The following RC3H1 variants were observed in gnomAD, a reference collection of about 807,000 sequenced individuals.
The protein encoded by RC3H1 is ring finger and CCCH-type domains 1, also known as roquin-1.
RC3H1 carries 50 observed loss-of-function variants against 138.2 expected under a neutral mutation model. That is an observed-to-expected ratio of 0.36 (90% CI 0.29 to 0.46). RC3H1 has a LOEUF of 0.46. Ranked by LOEUF, RC3H1 falls within the 20% of genes least tolerant of loss-of-function variation. The pLI is 1.00. For missense variants in RC3H1, 1,031 were observed against 1,388.1 expected (o/e 0.74, Z 4.09); for synonymous variants, 462 against 489.1 (o/e 0.94, Z 0.73).
At chr1:173,980,029 C>T (rs1660743292) in intron 6 of RC3H1, among the ~76,000 whole-genome samples, 5 of 151,620 alleles carry the variant, frequency 3.3e-5, no homozygotes, top group Non-Finnish European at 7.4e-5. Context: ...AGGCGCCTAC[C>T]ACCACACCTG....
In RC3H1 at chr1:173,936,747, ATATATATATATATATTTTT is replaced by A. The variant is rs1333459169; in HGVS notation, c.*1955_*1973del. 436 of 57,816 alleles carry A rather than the reference ATATATATATATATATTTTT, an allele frequency of 7.5e-3. 4 individuals carry two copies. The highest frequency in any genetic ancestry group is 0.03 in the African/African-American group (415 of 13,742). The allele number at this position is 57,816 out of a possible 1,614,324, so 3.6% of individuals were successfully genotyped here. A position where few individuals can be genotyped will look rare whatever the true frequency, so the allele number is the denominator to read the frequency against. ...AAAGCATACATATATATATATATAT[ATATATATATATATATTTTT>A]TTTTTTTTTTTTAAAAAAAGAAGAC... On this transcript the variant is annotated 3_prime_UTR_variant, in exon 20 of 20. Coordinates refer to ENST00000367696, the MANE Select transcript of RC3H1 (RefSeq NM_172071.4).
chr1:174,022,108 A>G lies in RC3H1; in HGVS notation c.-163T>C, dbSNP rs1369976413. The G allele has an allele frequency of 1.3e-5, 5 of 398,022 alleles. No individual in the cohort carries two copies. The highest frequency in any genetic ancestry group is 8.3e-5 in the African/African-American group (4 of 48,330). 24.7% of individuals were successfully genotyped at this position (398,022 alleles called of 1,614,324 possible). A position where few individuals can be genotyped will look rare whatever the true frequency, so the allele number is the denominator to read the frequency against. On this transcript the variant is annotated 5_prime_UTR_variant, in exon 1 of 20. Transcript: ENST00000367696. This position sits in a 1 kb window ranked among gnomAD's most constrained non-coding sequence, Gnocchi z 4.2. ...GCCGCTCGCTCACCGCGCTGGTCCG[A>G]GCAGCAGCTCCTCTCAGCTCCGAGT...
chr1:173,947,927 T>G (rs536181104), intron 14 of RC3H1, among the ~76,000 whole-genome samples: 1 of 151,984 alleles, frequency 6.6e-6, no homozygotes, highest in East Asian at 1.9e-4. Context: ...TGATTATTTA[T>G]AGAGATGAGG....
In RC3H1 at chr1:173,961,057, A is replaced by C; in HGVS notation, c.2370+20T>G. On this transcript the variant is annotated intron_variant, in intron 13 of 19. Coordinates refer to ENST00000367696, the MANE Select transcript of RC3H1 (RefSeq NM_172071.4). Reference sequence around the variant, plus strand: ...ACACAAAAAAACACGGATAAATGAGACTAAAAATGATTTGCTTACTTCTTC... The same window carrying C: ...ACACAAAAAAACACGGATAAATGAGCCTAAAAATGATTTGCTTACTTCTTC... 6.2e-7 allele frequency: 1 copy of C among 1,610,146 alleles called. No homozygotes were observed. Among genetic ancestry groups the C allele is most frequent in the Non-Finnish European group, 8.5e-7 (1 of 1,177,822 alleles).
chr1:174,001,031 T>C lies in RC3H1; in HGVS notation c.-150-7896A>G, dbSNP rs142217068. On this transcript the variant is annotated intron_variant, in intron 1 of 19. Transcript: ENST00000367696. ...TTTAATATGATTATGTTAGTACAAA[T>C]GGATAAATACTTGGGACAGGCATAA... Among the ~76,000 whole-genome samples, 6 of 152,248 alleles carry C rather than the reference T, an allele frequency of 3.9e-5. No individual in the cohort carries two copies. The East Asian group carries it at 5.8e-4, about 15-fold the overall frequency.
intron 13 of RC3H1, 124 bp from the exon 14 acceptor site, chr1:173,952,262 C>T (rs2102889502): frequency 1.9e-6 from 1 of 514,898 alleles, no homozygotes; most frequent in South Asian, 8.5e-5. Flanking sequence ...GCTGAAGCAA[C>T]ATAATGATGA....
chr1:173,992,697 CACAGAGAG>C, intron 2 of RC3H1, 50 bp downstream of exon 2: 3 of 1,059,150 alleles, frequency 2.8e-6, no homozygotes, highest in Non-Finnish European at 4.1e-6. Context: ...CACACACACA[CACAGAGAG>C]AGAGAGAGAG....
intron 13 of RC3H1, among the ~76,000 whole-genome samples, chr1:173,954,460 A>G (rs1221468411): frequency 6.6e-6 from 1 of 152,198 alleles, no homozygotes; most frequent in Non-Finnish European, 1.5e-5. Context: ...TGGTTAACAG[A>G]TACAAAATTA....
chr1:173,938,728 G>A lies in RC3H1; in HGVS notation c.3395C>T (p.Ala1132Val), dbSNP rs747115168. The change falls in exon 20 of 20, where the codon GCT becomes GTT. Residue 1132 changes from alanine to valine, a missense_variant. This residue lies in a region of RC3H1 where 716 missense variants were observed against 837.9 expected (regional missense o/e 0.85). Coordinates refer to ENST00000367696, the MANE Select transcript of RC3H1 (RefSeq NM_172071.4). ...AGTAGGACTCCTCATATTTTAAGGA[G>A]CAGAACTGGGAGTAACTCCTGATCT... ...SQRSGVTPSS[A>V]P is the part of the protein sequence containing the mutation. 2 of 1,605,882 alleles carry A rather than the reference G, an allele frequency of 1.2e-6. No homozygotes were observed. The highest frequency in any genetic ancestry group is 1.7e-6 in the Non-Finnish European group (2 of 1,175,856).
At position 173,992,736 on chromosome 1, in the gene RC3H1, AT is replaced by A. The variant is rs1661347040; in HGVS notation, c.231+18del. ...GAGAGAGAGGGAGAAATTTAAAAGT[AT>A]TAAGTCACCCATCCTACCTGAGCAC... On this transcript the variant is annotated intron_variant, in intron 2 of 19. Coordinates refer to ENST00000367696, the MANE Select transcript of RC3H1 (RefSeq NM_172071.4). 6.4e-7 allele frequency: 1 copy of A among 1,565,474 alleles called. No individual in the cohort carries two copies.
chr1:173,941,629 G>A (rs1222820279), intron 18 of RC3H1, among the ~76,000 whole-genome samples: 1 of 152,052 alleles, frequency 6.6e-6, no homozygotes, highest in Non-Finnish European at 1.5e-5. Context: ...AAATTTCTCA[G>A]AAAAAAACAA....
At chr1:173,975,287 G>T (rs564452056) in intron 7 of RC3H1, among the ~76,000 whole-genome samples, 1 of 151,934 alleles carries the variant, frequency 6.6e-6, no homozygotes, top group Non-Finnish European at 1.5e-5. Flanking sequence ...GTAGAGACGG[G>T]GTTTCACCAT....
intron 1 of RC3H1, among the ~76,000 whole-genome samples, chr1:173,999,085 C>T (rs940494209): frequency 1.6e-5 from 2 of 126,772 alleles, no homozygotes; most frequent in Non-Finnish European, 3.0e-5. Context: ...CACAGAGAAA[C>T]CCCATCTCTA....
intron 2 of RC3H1, among the ~76,000 whole-genome samples, chr1:173,984,958 A>C (rs991074609): frequency 3.9e-5 from 6 of 152,190 alleles, no homozygotes; most frequent in African/African-American, 9.7e-5. Context: ...GTACCCTTTT[A>C]ACAATTACCC....
intron 1 of RC3H1, among the ~76,000 whole-genome samples, chr1:174,008,844 G>A (rs1661699160): frequency 6.6e-6 from 1 of 152,174 alleles, no homozygotes; most frequent in East Asian, 1.9e-4. Context: ...AGGCGTGGTG[G>A]CGGGCACCGG....
At position 173,993,031 on chromosome 1, in the gene RC3H1, T is replaced by A; in HGVS notation, c.-46A>T. On this transcript the variant is annotated 5_prime_UTR_variant, in exon 2 of 20. Transcript: ENST00000367696. ...ACGAACACAAACACACACACAAATC[T>A]AAAGCAAAGATTCCACTGGAATCAA... is the stretch of plus-strand genomic sequence containing the variant. The A allele has an allele frequency of 7.4e-7, 1 of 1,356,402 alleles. No individual in the cohort carries two copies. The highest frequency in any genetic ancestry group is 1.1e-6 in the Non-Finnish European group (1 of 951,028). 84.0% of individuals were successfully genotyped at this position (1,356,402 alleles called of 1,614,324 possible).
chr1:173,971,515 A>G (rs1226699026), intron 8 of RC3H1, among the ~76,000 whole-genome samples: 3 of 152,210 alleles, frequency 2.0e-5, no homozygotes, highest in Admixed American at 2.0e-4. Flanking sequence ...ATTATTTATA[A>G]CTCAAGGATA....
At chr1:173,976,961 T>G (rs2102991078) in intron 7 of RC3H1, among the ~76,000 whole-genome samples, 1 of 150,648 alleles carries the variant, frequency 6.6e-6, no homozygotes, top group African/African-American at 2.5e-5. Context: ...CTCGCTCTGT[T>G]GCCCAGGCTG....
chr1:174,018,365 GAAT>G (rs1661901591), intron 1 of RC3H1, among the ~76,000 whole-genome samples: 2 of 151,928 alleles, frequency 1.3e-5, no homozygotes, highest in East Asian at 3.8e-4. Flanking sequence ...AAGTAAACAA[GAAT>G]ATTATATAAG....
Sources: gnomAD v4.1 joint callset for allele counts (sites outside exome capture counted in the v4.1 genomes callset) on GRCh38, gnomAD v4.1.1 for gene constraint, gnomAD v4.1.1 regional missense constraint, Gnocchi (gnomAD v3.1) non-coding constraint, MANE v1.5 for transcripts, NCBI Gene and HGNC (gene_info 2026-07-23, HGNC 2026-07-21) for gene names.